KRT76: variants seen among roughly 807,000 people sequenced by gnomAD.
KRT76 encodes keratin 76, also known as keratin, type II cytoskeletal 2 oral.
In KRT76, 47 loss-of-function variants were observed where a neutral mutation model predicts 44.9. That is an observed-to-expected ratio of 1.05 (90% confidence interval 0.83 to 1.33). KRT76 has a LOEUF of 1.33. KRT76 is among the 40% of genes most tolerant of loss of function. KRT76 has a pLI of 0.00. For missense variants in KRT76, 860 were observed against 775.8 expected, an observed-to-expected ratio of 1.11 and a Z score of -1.29; for synonymous variants, 331 against 294.1, an observed-to-expected ratio of 1.13 and a Z score of -1.28.
chr12:52,776,629 T>C lies in KRT76; in HGVS notation c.600+63A>G, dbSNP rs1939263732. On this transcript the variant is annotated intron_variant, in intron 1 of 8. Coordinates refer to ENST00000332411, the MANE Select transcript of KRT76 (RefSeq NM_015848.4). ...CTGTGTCTCACAAGTCCCCATGGCA[T>C]CTTTCTACACCGACCCCTGGGCACC... 16 of 1,611,686 alleles carry C rather than the reference T, an allele frequency of 9.9e-6. No individual in the cohort carries two copies. In the Middle Eastern group the frequency reaches 8.5e-4, roughly 85 times the overall value.
chr12:52,771,068 A>C lies in KRT76; in HGVS notation c.1415T>G (p.Met472Arg), dbSNP rs1459276378. ...ARLLRDYQEL[M>R]NVKLALDVEI... ...CACATCCAGGGCCAGCTTGACGTTC[A>C]TCAGCTCCTGGTAGTCACGCAGGAG... is the stretch of plus-strand genomic sequence containing the variant. Residue 472 changes from methionine (M) to arginine (R), a missense_variant, in exon 7 of 9, where the codon ATG becomes AGG. Transcript: ENST00000332411. 1.2e-6 allele frequency: 2 copies of C among 1,613,952 alleles called. No homozygotes were observed. The highest frequency in any genetic ancestry group is 1.7e-6 in the Non-Finnish European group (2 of 1,180,018).
intron 6 of KRT76, 66 bp from the exon 7 acceptor site, chr12:52,771,285 T>C: frequency 6.9e-7 from 1 of 1,456,132 alleles, no homozygotes; most frequent in Non-Finnish European, 9.6e-7. Flanking sequence ...TAGGAGTAGA[T>C]CTCTTCCCCC....
Position 52,771,929 on chromosome 12 carries a change from A to G in KRT76, c.1205T>C (p.Met402Thr), listed in dbSNP as rs781564455. The G allele has an allele frequency of 2.0e-5, 32 of 1,614,022 alleles. No homozygotes were observed. The Admixed American group carries it at 5.2e-4, about 26-fold the overall frequency. Residue 402 changes from methionine (M) to threonine (T), a missense_variant, in exon 6 of 9, where the codon ATG becomes ACG. Coordinates refer to ENST00000332411, the MANE Select transcript of KRT76 (RefSeq NM_015848.4). ...DDLRNTKSEI[M>T]ELNRMIQRLR... The stretch of plus-strand genomic sequence containing the variant: ...CCTCTGGATCATCCTGTTGAGCTCC[A>G]TGATCTCACTCTTGGTGTTCCTCAG...
At chr12:52,772,325 A>T in intron 4 of KRT76, 67 bp from the exon 5 acceptor site, 1 of 1,465,158 alleles carries the variant, frequency 6.8e-7, no homozygotes, top group Non-Finnish European at 9.2e-7. Flanking sequence ...ATCCTCTACT[A>T]GCGGAGATAT....
In KRT76 at chr12:52,768,616, T is replaced by C. The variant is rs1307792040; in HGVS notation, c.*97A>G. 1.4e-6 allele frequency: 2 copies of C among 1,385,118 alleles called. No individual in the cohort carries two copies. The highest frequency in any genetic ancestry group is 2.3e-5 in the East Asian group (1 of 42,970). The allele number at this position is 1,385,118 out of a possible 1,614,324, so 85.8% of individuals were successfully genotyped here. ...CCAGGGAACTTGAGGAAAAATGTGGTTGACCCTTATGCATCTATTGATGCC... is the reference window on the plus strand; with the variant it reads ...CCAGGGAACTTGAGGAAAAATGTGGCTGACCCTTATGCATCTATTGATGCC... On this transcript the variant is annotated 3_prime_UTR_variant, in exon 9 of 9. Coordinates refer to ENST00000332411, the MANE Select transcript of KRT76 (RefSeq NM_015848.4).
rs751153652 is a variant in KRT76 at position 52,777,128 on chromosome 12, C to T, written c.164G>A (p.Ser55Asn). 1 of 1,614,120 alleles carries T rather than the reference C, an allele frequency of 6.2e-7. No homozygotes were observed. The highest frequency in any genetic ancestry group is 8.5e-7 in the Non-Finnish European group (1 of 1,180,058). ...GCTGCCCAGGTTGTAGAGGCTGCGA[C>T]TGCCAAAGCTGCCTGCTCCGCTCCT... ...GFRSGAGSFG[S>N]RSLYNLGSNK... is the part of the protein sequence containing the mutation. Residue 55 changes from serine to asparagine, a missense_variant, in exon 1 of 9, where the codon AGT becomes AAT. Physicochemically the swap from Ser to Asn is conservative, Grantham distance 46. Transcript: ENST00000332411.
In KRT76 at chr12:52,777,248, T is replaced by A; in HGVS notation, c.44A>T (p.Gln15Leu). The change falls in exon 1 of 9, where the codon CAG becomes CTG. Residue 15 changes from glutamine (Q) to leucine (L), a missense_variant. By Grantham distance (113) the Gln-to-Leu change is moderately radical. Transcript: ENST00000332411. ...VCKKSFSGRS[Q>L]GFSGRSAVVS... Reference sequence around the variant, plus strand: ...CACAGCAGAGCGGCCAGAGAAACCCTGGCTCCTGCCACTGAAGGATTTCTT... The same window carrying A: ...CACAGCAGAGCGGCCAGAGAAACCCAGGCTCCTGCCACTGAAGGATTTCTT... 6.2e-7 allele frequency: 1 copy of A among 1,614,222 alleles called. No homozygotes were observed. The highest frequency in any genetic ancestry group is 8.5e-7 in the Non-Finnish European group (1 of 1,180,034).
chr12:52,776,081 T>C (rs1939257725), intron 1 of KRT76, among the ~76,000 whole-genome samples: 1 of 152,188 alleles, frequency 6.6e-6, no homozygotes, highest in Non-Finnish European at 1.5e-5. Context: ...CAATGAGGTC[T>C]AACATTTCTT....
rs1325588289 is a variant in KRT76 at position 52,772,171 on chromosome 12, T to C, written c.1060A>G (p.Ile354Val). 6 of 1,613,668 alleles carry C rather than the reference T, an allele frequency of 3.7e-6. No individual in the cohort carries two copies. Among genetic ancestry groups the C allele is most frequent in the Non-Finnish European group, 5.1e-6 (6 of 1,179,790 alleles). Residue 354 changes from isoleucine (I) to valine (V), a missense_variant, in exon 5 of 9, where the codon ATT (isoleucine) becomes GTT (valine). Ile to Val is a conservative substitution (Grantham distance 29). Coordinates refer to ENST00000332411, the MANE Select transcript of KRT76 (RefSeq NM_015848.4). ...NNRCLDLGSIIAEVRAQYEEI... is the reference protein window; with the variant it reads ...NNRCLDLGSIVAEVRAQYEEI... ...TCATACTGGGCGCGGACCTCGGCAA[T>C]GATGCTGCCCAGGTCCAGGCAGCGG...
Position 52,771,818 on chromosome 12 carries a change from T to C in KRT76, c.1263+53A>G, listed in dbSNP as rs1020239086. On this transcript the variant is annotated intron_variant, in intron 6 of 8. Coordinates refer to ENST00000332411, the MANE Select transcript of KRT76 (RefSeq NM_015848.4). ...GCAGAGGAGCAGAGCTTATGCTGCT[T>C]CTCTCCGGGGCCCAGAAGACCTCTG... 2.7e-5 allele frequency: 42 copies of C among 1,578,482 alleles called. No individual in the cohort carries two copies. The African/African-American group carries it at 5.4e-4, about 20-fold the overall frequency.
chr12:52,769,827 A>G (rs183463083), intron 7 of KRT76, among the ~76,000 whole-genome samples: 1 of 152,272 alleles, frequency 6.6e-6, no homozygotes, highest in Non-Finnish European at 1.5e-5. Context: ...CTCTAGGCAA[A>G]CTACTTGATG....
intron 2 of KRT76, among the ~76,000 whole-genome samples, chr12:52,774,959 C>G (rs10876342): frequency 0.88 from 133,904 of 152,188 alleles, 59,467 homozygotes; most frequent in Non-Finnish European, 0.95. Flanking sequence ...AGCCCTGGAC[C>G]TCTGCCTAGA....
chr12:52,771,271 T>G, intron 6 of KRT76, 52 bp from the exon 7 acceptor site: 2 of 1,535,294 alleles, frequency 1.3e-6, no homozygotes, highest in African/African-American at 2.7e-5. Context: ...CACTTGATCC[T>G]TACTAGGAGT....
In KRT76 at chr12:52,776,769, G is replaced by A. The variant is rs755078136; in HGVS notation, c.523C>T (p.Gln175Ter). ...LQPLNVEIDP[Q>*]IGQVKAQERE... Reference sequence around the variant, plus strand: ...TCCTGGGCCTTTACTTGCCCAATCTGGGGGTCGATCTCCACATTGAGGGGC... The same window carrying A: ...TCCTGGGCCTTTACTTGCCCAATCTAGGGGTCGATCTCCACATTGAGGGGC... Residue 175 changes from glutamine (Q) to a stop codon, truncating the protein, a stop_gained, in exon 1 of 9, where the codon CAG becomes TAG. Transcript: ENST00000332411. LOFTEE classifies it high-confidence loss of function. 6.8e-6 allele frequency: 11 copies of A among 1,613,968 alleles called. No individual in the cohort carries two copies. In the South Asian group the frequency reaches 8.8e-5, roughly 13 times the overall value.
At position 52,777,113 on chromosome 12, in the gene KRT76, T is replaced by C; in HGVS notation, c.179A>G (p.Asn60Ser). ...AGSFGSRSLY[N>S]LGSNKSISIS... Reference sequence around the variant, plus strand: ...GGAGATGCTCTTGTTGCTGCCCAGGTTGTAGAGGCTGCGACTGCCAAAGCT... The same window carrying C: ...GGAGATGCTCTTGTTGCTGCCCAGGCTGTAGAGGCTGCGACTGCCAAAGCT... The change falls in exon 1 of 9, where the codon AAC becomes AGC. Residue 60 changes from asparagine (N) to serine (S), a missense_variant. Physicochemically the swap from Asn to Ser is conservative, Grantham distance 46. Coordinates refer to ENST00000332411, the MANE Select transcript of KRT76 (RefSeq NM_015848.4). The C allele has an allele frequency of 1.2e-6, 2 of 1,614,134 alleles. No homozygotes were observed. The highest frequency in any genetic ancestry group is 1.7e-6 in the Non-Finnish European group (2 of 1,180,030).
At chr12:52,774,319 C>T (rs1939229002) in intron 2 of KRT76, among the ~76,000 whole-genome samples, 1 of 152,156 alleles carries the variant, frequency 6.6e-6, no homozygotes, top group African/African-American at 2.4e-5. Context: ...CTTGCCTAGG[C>T]TCTTTGATTG....
In KRT76 at chr12:52,770,991, C is replaced by T; in HGVS notation, c.1484+8G>A. ...TATCTGGAGAATGGTGATCCCATGG[C>T]CCCTCACCTGCACTCCTCTCCCTCC... is the stretch of plus-strand genomic sequence containing the variant. On this transcript the variant is annotated splice_region_variant and intron_variant, in intron 7 of 8. Coordinates refer to ENST00000332411, the MANE Select transcript of KRT76 (RefSeq NM_015848.4). 1.2e-6 allele frequency: 2 copies of T among 1,614,052 alleles called. No individual in the cohort carries two copies. Among genetic ancestry groups the T allele is most frequent in the East Asian group, 2.2e-5 (1 of 44,882 alleles).
intron 7 of KRT76, among the ~76,000 whole-genome samples, chr12:52,769,875 T>G (rs1939153119): frequency 6.6e-6 from 1 of 152,196 alleles, no homozygotes; most frequent in Non-Finnish European, 1.5e-5. Flanking sequence ...CCACTTCTCA[T>G]CCCCTGCTAA....
chr12:52,776,554 G>C (rs1939262761), intron 1 of KRT76, 138 bp downstream of exon 1: 1 of 1,398,678 alleles, frequency 7.1e-7, no homozygotes, highest in Non-Finnish European at 9.8e-7. Context: ...CATGATCACT[G>C]TCCTGTAGGG....
Sources: gnomAD v4.1 joint callset for allele counts (sites outside exome capture counted in the v4.1 genomes callset) on GRCh38, gnomAD v4.1.1 for gene constraint, MANE v1.5 for transcripts, NCBI Gene and HGNC (gene_info 2026-07-23, HGNC 2026-07-21) for gene names.